The following CDKL1 variants were observed in gnomAD, a reference collection of about 807,000 sequenced individuals.
CDKL1 encodes the protein cyclin dependent kinase like 1.
Under a neutral mutation model 42.0 loss-of-function variants are expected in CDKL1, and 41 were observed. The observed-to-expected ratio is 0.98, with a 90% CI of 0.76 to 1.27. The LOEUF (loss-of-function observed/expected upper bound fraction) is 1.27. Ranked by LOEUF, CDKL1 falls within the 50% of genes most tolerant of loss-of-function variation. CDKL1 has a pLI of 0.00. For synonymous variants in CDKL1, 153 were observed against 158.6 expected, an observed-to-expected ratio of 0.96 and a Z score of 0.26; for missense variants, 394 against 428.4, an observed-to-expected ratio of 0.92 and a Z score of 0.71.
chr14:50,351,898 A>C (rs1688903749), intron 3 of CDKL1, among the ~76,000 whole-genome samples: 1 of 152,216 alleles, frequency 6.6e-6, no homozygotes, highest in Non-Finnish European at 1.5e-5. Context: ...AGGCACAATA[A>C]TGGGAACAGT....
intron 2 of CDKL1, among the ~76,000 whole-genome samples, chr14:50,369,578 ATATAT>A (rs753168610): frequency 7.7e-5 from 11 of 143,342 alleles, no homozygotes; most frequent in Non-Finnish European, 1.5e-4. Context: ...ATATATATAC[ATATAT>A]TATATATAAT....
intron 2 of CDKL1, among the ~76,000 whole-genome samples, chr14:50,383,315 C>T (rs2034976771): frequency 6.6e-6 from 1 of 151,768 alleles, no homozygotes; most frequent in Non-Finnish European, 1.5e-5. Context: ...TTTGGGAGGC[C>T]AAGGCGGGCA....
intron 2 of CDKL1, among the ~76,000 whole-genome samples, chr14:50,368,864 AC>A (rs1285255911): frequency 2.8e-5 from 4 of 141,378 alleles, no homozygotes; most frequent in South Asian, 2.3e-4. Context: ...CTAGTTGCCA[AC>A]CTTTTTTTTT....
rs145908126 is a variant in CDKL1, at chr14:50,383,419, G to A, written c.168+12282C>T. Among the ~76,000 whole-genome samples, 90 of 151,906 alleles carry A rather than the reference G, an allele frequency of 5.9e-4. 1 individual carries two copies. Among genetic ancestry groups the A allele is most frequent in the Middle Eastern group, 6.8e-3 (2 of 292 alleles). The stretch of plus-strand genomic sequence containing the variant: ...ACAAAAATTAGCTGGACATGGTGAC[G>A]TGTGCCTGTAATCCCAGCTACTCAG... On this transcript the variant is annotated intron_variant, in intron 2 of 9. Transcript: ENST00000395834.
At chr14:50,375,433 G>A (rs541917068) in intron 2 of CDKL1, among the ~76,000 whole-genome samples, 14 of 152,350 alleles carry the variant, frequency 9.2e-5, no homozygotes, top group African/African-American at 1.4e-4. Context: ...GTAGGAGTGC[G>A]CTGCACGTAG....
chr14:50,332,746 T>TTACC, intron 8 of CDKL1: 5 of 1,329,526 alleles, frequency 3.8e-6, no homozygotes, highest in Non-Finnish European at 5.2e-6. Context: ...AATGGGGTAA[T>TTACC]CCATTTAGCC....
chr14:50,347,021 A>G (rs1757561113), intron 3 of CDKL1, among the ~76,000 whole-genome samples: 1 of 152,222 alleles, frequency 6.6e-6, no homozygotes, highest in South Asian at 2.1e-4. Context: ...CCCCAAATAA[A>G]TTATATAAAA....
chr14:50,350,069 G>A (rs945867401), intron 3 of CDKL1, among the ~76,000 whole-genome samples: 3 of 151,992 alleles, frequency 2.0e-5, no homozygotes, highest in African/African-American at 7.2e-5. Flanking sequence ...GTGAGCCACC[G>A]TGCTTGGCCA....
intron 2 of CDKL1, among the ~76,000 whole-genome samples, chr14:50,368,355 A>C (rs1380651480): frequency 6.6e-6 from 1 of 152,008 alleles, no homozygotes; most frequent in Non-Finnish European, 1.5e-5. Flanking sequence ...CTCCAGGCTC[A>C]AGTGATCCTC....
intron 2 of CDKL1, among the ~76,000 whole-genome samples, chr14:50,387,026 C>A (rs1202918274): frequency 2.1e-5 from 3 of 139,624 alleles, no homozygotes; most frequent in Admixed American, 7.0e-5. Context: ...GACTCCGTCT[C>A]AAAAAGAAAA....
intron 2 of CDKL1, among the ~76,000 whole-genome samples, chr14:50,385,070 CAAAAAAAAAAAAAAAAAAAA>C (rs55719234): frequency 6.4e-5 from 6 of 93,556 alleles, no homozygotes; most frequent in African/African-American, 8.4e-5. Context: ...GACTCTGTCT[CAAAAAAAAAAAAAAAAAAAA>C]AAAAAAAAAA....
chr14:50,342,125 TACTC>T lies in CDKL1; in HGVS notation c.454+3_454+6del, dbSNP rs2033565606. ...TATACTTAACAAAAGAAAATGTCAA[TACTC>T]ACTCAAAAGCCGAGCAAATCCAAAG... On this transcript the variant is annotated splice_donor_5th_base_variant and intron_variant, in intron 5 of 9. Transcript: ENST00000395834. The T allele has an allele frequency of 3.7e-6, 6 of 1,611,066 alleles. No individual in the cohort carries two copies. The highest frequency in any genetic ancestry group is 1.1e-5 in the South Asian group (1 of 91,022).
In CDKL1 at chr14:50,335,832, A is replaced by C. The variant is rs985014527; in HGVS notation, c.739-1211T>G. The stretch of plus-strand genomic sequence containing the variant: ...TATTTTGGACAGGCAACCAGCTCCC[A>C]ATAACCAATTCTGGATTGTACACAT... On this transcript the variant is annotated intron_variant, in intron 7 of 9. Transcript: ENST00000395834. The C allele has an allele frequency of 6.1e-6, 6 of 985,260 alleles. No individual in the cohort carries two copies. The African/African-American group carries it at 1.0e-4, about 17-fold the overall frequency. 61.0% of individuals were successfully genotyped at this position (985,260 alleles called of 1,614,324 possible). A position where few individuals can be genotyped will look rare whatever the true frequency, so the allele number is the denominator to read the frequency against.
intron 2 of CDKL1, among the ~76,000 whole-genome samples, chr14:50,360,810 G>GTGTGTC (rs1555341875): frequency 1.4e-3 from 220 of 151,998 alleles, no homozygotes; most frequent in African/African-American, 4.7e-3. Flanking sequence ...GTGTGTGTGT[G>GTGTGTC]TGTGTGTGTG....
At chr14:50,358,976 C>T in intron 3 of CDKL1, 52 bp downstream of exon 3, 1 of 1,574,232 alleles carries the variant, frequency 6.4e-7, no homozygotes, top group Admixed American at 1.7e-5. Context: ...CCACTTTTCG[C>T]TCACAAATCC....
chr14:50,390,319 C>T, intron 2 of CDKL1: 1 of 1,366,376 alleles, frequency 7.3e-7, no homozygotes, highest in Non-Finnish European at 9.8e-7. Flanking sequence ...CACAGTGACA[C>T]TGTCCTGTCC....
At chr14:50,338,498 T>C (rs1236438763) in intron 7 of CDKL1, among the ~76,000 whole-genome samples, 1 of 152,128 alleles carries the variant, frequency 6.6e-6, no homozygotes, top group Non-Finnish European at 1.5e-5. Flanking sequence ...CTCCCCAAAG[T>C]ACCAGGATTA....
intron 2 of CDKL1, among the ~76,000 whole-genome samples, chr14:50,379,543 A>G (rs1353161553): frequency 1.3e-5 from 2 of 152,232 alleles, no homozygotes; most frequent in African/African-American, 4.8e-5. Context: ...AGGTGCTTAC[A>G]GTGGCAAGGT....
chr14:50,392,685 C>T (rs2035294665), intron 2 of CDKL1, among the ~76,000 whole-genome samples: 1 of 151,940 alleles, frequency 6.6e-6, no homozygotes, highest in South Asian at 2.1e-4. Context: ...TGCTTATGTC[C>T]CCCAACTCTG....
Sources: gnomAD v4.1 joint callset for allele counts (sites outside exome capture counted in the v4.1 genomes callset) on GRCh38, gnomAD v4.1.1 for gene constraint, MANE v1.5 for transcripts, NCBI Gene and HGNC (gene_info 2026-07-23, HGNC 2026-07-21) for gene names.